MEI4: variants seen among roughly 807,000 people sequenced by gnomAD.
The protein encoded by MEI4 is meiosis-specific protein MEI4.
A neutral mutation model predicts 31.4 loss-of-function variants in MEI4; 27 were observed. That is an observed-to-expected ratio of 0.86 (90% CI 0.63 to 1.19). The LOEUF (loss-of-function observed/expected upper bound fraction) is 1.19. Ranked by LOEUF, MEI4 falls within the 50% of genes most tolerant of loss-of-function variation. The probability of loss-of-function intolerance (pLI) is 0.00; values close to 1 mark genes in which losing one functional copy is unlikely to be tolerated. For synonymous variants in MEI4, 122 were observed against 145.4 expected (o/e 0.84, Z 1.16); for missense variants, 329 against 398.9 (o/e 0.82, Z 1.49).
intron 2 of MEI4, among the ~76,000 whole-genome samples, chr6:77,733,595 T>TG (rs1406369146): frequency 6.6e-6 from 1 of 152,038 alleles, no homozygotes; most frequent in African/African-American, 2.4e-5. Flanking sequence ...GATTGATTAA[T>TG]TTTTTGAAGG....
intron 2 of MEI4, among the ~76,000 whole-genome samples, chr6:77,704,766 C>G (rs976777688): frequency 2.6e-5 from 4 of 152,048 alleles, no homozygotes; most frequent in African/African-American, 9.7e-5. Context: ...TCAAAGGAAA[C>G]GTAATCATTC....
chr6:77,673,656 T>A (rs1768788611), intron 1 of MEI4, among the ~76,000 whole-genome samples: 1 of 152,050 alleles, frequency 6.6e-6, no homozygotes, highest in African/African-American at 2.4e-5. Context: ...AAGCAGATGG[T>A]GATTGGTTTA....
chr6:77,755,825 G>GGTGTGTGTGTGTGTGTGTGTGT lies in MEI4; in HGVS notation c.233-5296_233-5275dup, dbSNP rs34181852. Among the ~76,000 whole-genome samples, 936 of 145,224 alleles carry GGTGTGTGTGTGTGTGTGTGTGT rather than the reference G, an allele frequency of 6.4e-3. 13 individuals carry two copies. The highest frequency in any genetic ancestry group is 0.022 in the African/African-American group (893 of 39,746). The stretch of plus-strand genomic sequence containing the variant: ...AATATGTGTCAAATTGTGCTGGAAT[G>GGTGTGTGTGTGTGTGTGTGTGT]GTGTGTGTGTGTGTGTGTGTGTGTG... On this transcript the variant is annotated intron_variant, in intron 2 of 4. Transcript: ENST00000684080.
At chr6:77,789,279 T>C (rs1431102521) in intron 3 of MEI4, among the ~76,000 whole-genome samples, 2 of 152,150 alleles carry the variant, frequency 1.3e-5, no homozygotes, top group East Asian at 1.9e-4. Context: ...GACTTAAACA[T>C]TAGACCTAAA....
At chr6:77,901,169 A>G (rs948437461) in intron 4 of MEI4, among the ~76,000 whole-genome samples, 2 of 152,028 alleles carry the variant, frequency 1.3e-5, no homozygotes, top group African/African-American at 4.8e-5. Context: ...TAATGCTGCA[A>G]TGAATGTAGT....
At chr6:77,798,627 A>T (rs1443947136) in intron 3 of MEI4, among the ~76,000 whole-genome samples, 1 of 145,594 alleles carries the variant, frequency 6.9e-6, no homozygotes, top group Non-Finnish European at 1.5e-5. Flanking sequence ...TATCTCCTAA[A>T]GCTATCCCTC....
intron 4 of MEI4, among the ~76,000 whole-genome samples, chr6:77,867,795 T>C (rs1162902583): frequency 1.3e-5 from 2 of 152,106 alleles, no homozygotes; most frequent in Admixed American, 6.6e-5. Context: ...CTATTCACAA[T>C]AGCAAAGACT....
chr6:77,786,619 T>A (rs1768743170), intron 3 of MEI4, among the ~76,000 whole-genome samples: 1 of 152,088 alleles, frequency 6.6e-6, no homozygotes, highest in African/African-American at 2.4e-5. Context: ...GAAGTAAAAC[T>A]GTTTATATTT....
At chr6:77,805,432 A>G (rs1362045429) in intron 3 of MEI4, among the ~76,000 whole-genome samples, 3 of 152,170 alleles carry the variant, frequency 2.0e-5, no homozygotes, top group Non-Finnish European at 4.4e-5. Context: ...GTATATTTGA[A>G]AAATCTTTTA....
chr6:77,668,262 G>A (rs2127644689), intron 1 of MEI4, among the ~76,000 whole-genome samples: 1 of 152,274 alleles, frequency 6.6e-6, no homozygotes, highest in South Asian at 2.1e-4. Context: ...GTCCTTGGAG[G>A]GTGATTTGGG....
chr6:77,793,446 A>G (rs1174876269), intron 3 of MEI4, among the ~76,000 whole-genome samples: 1 of 152,234 alleles, frequency 6.6e-6, no homozygotes, highest in Non-Finnish European at 1.5e-5. Flanking sequence ...AAAATACATG[A>G]AATGATAAAA....
chr6:77,751,018 C>G (rs1767758114), intron 2 of MEI4, among the ~76,000 whole-genome samples: 1 of 152,136 alleles, frequency 6.6e-6, no homozygotes, highest in Non-Finnish European at 1.5e-5. Context: ...TGAATGACTA[C>G]TGGGTAAATA....
chr6:77,885,837 T>C (rs1487813651), intron 4 of MEI4, among the ~76,000 whole-genome samples: 1 of 152,178 alleles, frequency 6.6e-6, no homozygotes, highest in Admixed American at 6.5e-5. Context: ...TTGAGGTATG[T>C]TCCTTCTGTG....
chr6:77,695,674 G>A (rs924826450), intron 2 of MEI4, among the ~76,000 whole-genome samples: 102 of 152,158 alleles, frequency 6.7e-4, no homozygotes, highest in Non-Finnish European at 1.1e-3. Context: ...TAGCCTTGTA[G>A]TATAGTTTGA....
intron 2 of MEI4, among the ~76,000 whole-genome samples, chr6:77,694,056 A>G (rs1414476080): frequency 6.6e-6 from 1 of 152,014 alleles, no homozygotes; most frequent in African/African-American, 2.4e-5. Context: ...CAAAATAAAC[A>G]AGGAAGAAAG....
At chr6:77,851,736 G>A (rs1308775821) in intron 4 of MEI4, among the ~76,000 whole-genome samples, 1 of 151,856 alleles carries the variant, frequency 6.6e-6, no homozygotes, top group Admixed American at 6.6e-5. Flanking sequence ...TACATATGTA[G>A]CAAACCTGAA....
chr6:77,781,041 C>A (rs1028602678), intron 3 of MEI4, among the ~76,000 whole-genome samples: 15 of 152,050 alleles, frequency 9.9e-5, no homozygotes, highest in African/African-American at 3.4e-4. Context: ...CCCACAGAAC[C>A]ATGCTCAGCT....
At chr6:77,735,096 C>G (rs868054398) in intron 2 of MEI4, among the ~76,000 whole-genome samples, 8 of 151,946 alleles carry the variant, frequency 5.3e-5, no homozygotes, top group African/African-American at 1.7e-4. Flanking sequence ...CTTCGGTGAA[C>G]TGACAATTAT....
chr6:77,784,089 T>C (rs950172663), intron 3 of MEI4, among the ~76,000 whole-genome samples: 2 of 152,124 alleles, frequency 1.3e-5, no homozygotes, highest in Admixed American at 6.6e-5. Context: ...ATTTTTTAAA[T>C]AGTGATGCAT....
Sources: allele counts gnomAD v4.1 joint callset (sites outside exome capture counted in the v4.1 genomes callset), GRCh38; gene constraint gnomAD v4.1.1; transcripts MANE v1.5; gene names NCBI Gene and HGNC (gene_info 2026-07-23, HGNC 2026-07-21).